The following VPS50 variants were observed in gnomAD, a reference collection of about 807,000 sequenced individuals.
VPS50 encodes the protein VPS50 subunit of EARP/GARPII complex.
VPS50 carries 70 observed loss-of-function variants against 139.7 expected under a neutral mutation model. The ratio of observed to expected loss-of-function variants is 0.50; its 90% confidence interval spans 0.41 to 0.61. The LOEUF is 0.61. Ranked by LOEUF, VPS50 falls within the 20% of genes least tolerant of loss-of-function variation. The pLI, the probability that VPS50 is intolerant of heterozygous loss-of-function variation, is 0.00. For missense variants in VPS50, 921 were observed against 1,133.7 expected, an observed-to-expected ratio of 0.81 and a Z score of 2.69; for synonymous variants, 365 against 376.7, an observed-to-expected ratio of 0.97 and a Z score of 0.36.
At chr7:93,337,110 C>T (rs948574432) in intron 22 of VPS50, among the ~76,000 whole-genome samples, 1 of 152,190 alleles carries the variant, frequency 6.6e-6, no homozygotes, top group African/African-American at 2.4e-5. Flanking sequence ...CTCTCTTGCT[C>T]TCTTCAAGCG....
intron 20 of VPS50, among the ~76,000 whole-genome samples, chr7:93,319,688 CTTTTG>C (rs1562885169): frequency 6.6e-6 from 1 of 152,052 alleles, no homozygotes; most frequent in Non-Finnish European, 1.5e-5. Flanking sequence ...TATGTGGACT[CTTTTG>C]ATCTGAAGGC....
chr7:93,243,993 T>C (rs1440113467), intron 2 of VPS50, among the ~76,000 whole-genome samples: 1 of 151,808 alleles, frequency 6.6e-6, no homozygotes, highest in Non-Finnish European at 1.5e-5. Context: ...AAGGGGGTTT[T>C]TTTGGCCTCA....
At chr7:93,306,032 A>G in intron 18 of VPS50, 28 bp downstream of exon 18, 1 of 1,552,700 alleles carries the variant, frequency 6.4e-7, no homozygotes, top group Non-Finnish European at 8.8e-7. Context: ...AACATAAGTG[A>G]GTTTTTTTTA....
intron 4 of VPS50, among the ~76,000 whole-genome samples, chr7:93,255,582 A>G (rs938413744): frequency 6.6e-6 from 1 of 152,200 alleles, no homozygotes; most frequent in African/African-American, 2.4e-5. Context: ...GATATTTAGG[A>G]TTAACATTGA....
chr7:93,269,722 CA>C (rs1244012599), intron 9 of VPS50, among the ~76,000 whole-genome samples: 4 of 152,168 alleles, frequency 2.6e-5, no homozygotes, highest in Admixed American at 1.3e-4. Flanking sequence ...AGGATATTGT[CA>C]GGGGGTTGTG....
At chr7:93,310,747 T>TA (rs1199263137) in intron 19 of VPS50, among the ~76,000 whole-genome samples, 1 of 152,074 alleles carries the variant, frequency 6.6e-6, no homozygotes, top group Non-Finnish European at 1.5e-5. Flanking sequence ...ATATAGCTTT[T>TA]ACTTTTCTTT....
chr7:93,248,304 A>G (rs1795216272), intron 2 of VPS50, among the ~76,000 whole-genome samples: 1 of 151,626 alleles, frequency 6.6e-6, no homozygotes, highest in Non-Finnish European at 1.5e-5. Flanking sequence ...CTTTTTGTTC[A>G]TTTTGTTTAT....
chr7:93,355,494 G>T (rs1278533757), intron 26 of VPS50, among the ~76,000 whole-genome samples: 1 of 152,066 alleles, frequency 6.6e-6, no homozygotes, highest in Non-Finnish European at 1.5e-5. Flanking sequence ...ATTGAATATT[G>T]AACAGTTTTA....
chr7:93,275,911 A>G, intron 11 of VPS50: 1 of 402,474 alleles, frequency 2.5e-6, no homozygotes, highest in South Asian at 4.9e-5. Context: ...GATGAATACC[A>G]GTTATAAATA....
chr7:93,342,683 C>T (rs958896926), intron 23 of VPS50, among the ~76,000 whole-genome samples: 15 of 152,194 alleles, frequency 9.9e-5, no homozygotes, highest in African/African-American at 2.7e-4. Context: ...CCCTGATCCC[C>T]GAGCAGCCGA....
chr7:93,246,203 TAA>T, intron 2 of VPS50: 1 of 937,130 alleles, frequency 1.1e-6, no homozygotes, highest in Non-Finnish European at 1.6e-6. Context: ...ATGCAAACAG[TAA>T]AAAAAAGTCT....
chr7:93,235,012 TC>T (rs1368725946), intron 1 of VPS50, among the ~76,000 whole-genome samples: 2 of 151,652 alleles, frequency 1.3e-5, no homozygotes, highest in Non-Finnish European at 2.9e-5. Context: ...GGATAGAAAG[TC>T]CTGGGAATTG....
chr7:93,268,537 C>T (rs577168251), intron 9 of VPS50, among the ~76,000 whole-genome samples: 2 of 152,206 alleles, frequency 1.3e-5, no homozygotes, highest in African/African-American at 2.4e-5. Context: ...TCCATGTGTT[C>T]TCATTGTTCA....
rs544828470 is a variant in VPS50 at position 93,294,666 on chromosome 7, C to G, written c.1167+30C>G. The G allele has an allele frequency of 2.6e-5, 39 of 1,497,040 alleles. No homozygotes were observed. In the African/African-American group the frequency reaches 5.4e-4, roughly 21 times the overall value. The allele number at this position is 1,497,040 out of a possible 1,614,324, so 92.7% of individuals were successfully genotyped here. A position where few individuals can be genotyped will look rare whatever the true frequency, so the allele number is the denominator to read the frequency against. ...GGTTTTTTTAAAATTATTTTTTTCA[C>G]AGAAGCAATAGAAATGTCATGTCAT... On this transcript the variant is annotated intron_variant, in intron 14 of 27. Coordinates refer to ENST00000305866, the MANE Select transcript of VPS50 (RefSeq NM_017667.4).
rs1442939257 is a variant in VPS50, at chr7:93,360,773, C to T, written c.*2337C>T. ...TTAGCATTCCCTGAGAAAGAATGAT[C>T]ATTTCTACAAATACATTGTCTTGCA... is the stretch of plus-strand genomic sequence containing the variant. On this transcript the variant is annotated 3_prime_UTR_variant, in exon 28 of 28. Coordinates refer to ENST00000305866, the MANE Select transcript of VPS50 (RefSeq NM_017667.4). 1 of 151,940 alleles carries T rather than the reference C, an allele frequency of 6.6e-6. No individual in the cohort carries two copies. Among genetic ancestry groups the T allele is most frequent in the Non-Finnish European group, 1.5e-5 (1 of 67,964 alleles). The allele number at this position is 151,940 out of a possible 1,614,324, so 9.4% of individuals were successfully genotyped here.
intron 1 of VPS50, among the ~76,000 whole-genome samples, chr7:93,238,481 G>T (rs1482183009): frequency 6.6e-6 from 1 of 152,114 alleles, no homozygotes; most frequent in Non-Finnish European, 1.5e-5. Context: ...GGCTGCAGAG[G>T]CAAATAGGAC....
intron 2 of VPS50, among the ~76,000 whole-genome samples, chr7:93,247,236 T>C (rs1462724382): frequency 6.6e-6 from 1 of 151,942 alleles, no homozygotes; most frequent in African/African-American, 2.4e-5. Flanking sequence ...GTTTTTGATA[T>C]AGCCTAACCT....
chr7:93,241,008 G>T (rs1421282183), intron 2 of VPS50, among the ~76,000 whole-genome samples: 2 of 152,060 alleles, frequency 1.3e-5, no homozygotes, highest in African/African-American at 4.8e-5. Context: ...ACTATGAAAA[G>T]GTTGGGAAAC....
At position 93,359,210 on chromosome 7, in the gene VPS50, T is replaced by A. The variant is rs1332916767; in HGVS notation, c.*774T>A. 2 of 152,108 alleles carry A rather than the reference T, an allele frequency of 1.3e-5. No homozygotes were observed. The highest frequency in any genetic ancestry group is 4.8e-5 in the African/African-American group (2 of 41,442). 9.4% of individuals were successfully genotyped at this position (152,108 alleles called of 1,614,324 possible). A position where few individuals can be genotyped will look rare whatever the true frequency, so the allele number is the denominator to read the frequency against. On this transcript the variant is annotated 3_prime_UTR_variant, in exon 28 of 28. Coordinates refer to ENST00000305866, the MANE Select transcript of VPS50 (RefSeq NM_017667.4). ...ATCATGATTATGAGACTTTCTTTTA[T>A]CTTTCTTTATAAAAATATGTGGTTT...
Sources: gnomAD v4.1 joint callset for allele counts (sites outside exome capture counted in the v4.1 genomes callset) on GRCh38, gnomAD v4.1.1 for gene constraint, MANE v1.5 for transcripts, NCBI Gene and HGNC (gene_info 2026-07-23, HGNC 2026-07-21) for gene names.